B4GALNT3: variants seen among roughly 807,000 people sequenced by gnomAD.
The protein encoded by B4GALNT3 is beta-1,4-N-acetyl-galactosaminyltransferase 3.
Under a neutral mutation model 120.2 loss-of-function variants are expected in B4GALNT3, and 86 were observed. The ratio of observed to expected loss-of-function variants is 0.72; its 90% CI spans 0.60 to 0.86. The LOEUF (loss-of-function observed/expected upper bound fraction) is 0.86, where lower values mean the gene tolerates loss of function less well. B4GALNT3 is among the 40% of genes least tolerant of loss of function. The pLI is 0.00. For synonymous variants in B4GALNT3, 518 were observed against 510.4 expected (o/e 1.01, Z -0.20); for missense variants, 1,167 against 1,298.9 (o/e 0.90, Z 1.56).
intron 1 of B4GALNT3, among the ~76,000 whole-genome samples, chr12:528,153 G>A (rs1201825205): frequency 6.6e-6 from 1 of 152,168 alleles, no homozygotes; most frequent in East Asian, 1.9e-4. Flanking sequence ...TACTGCCTAT[G>A]TGACTTTTGG....
chr12:537,522 G>A (rs1445486527), intron 3 of B4GALNT3, among the ~76,000 whole-genome samples: 1 of 152,190 alleles, frequency 6.6e-6, no homozygotes, highest in Non-Finnish European at 1.5e-5. Flanking sequence ...CTCCCAAAGT[G>A]CTGAGATTAC....
rs1308532288 is a variant in B4GALNT3 at position 553,775 on chromosome 12, A to G, written c.1852A>G (p.Met618Val). 2 of 1,614,180 alleles carry G rather than the reference A, an allele frequency of 1.2e-6. No homozygotes were observed. Among genetic ancestry groups the G allele is most frequent in the South Asian group, 1.1e-5 (1 of 91,080 alleles). Residue 618 changes from methionine (M) to valine (V), a missense_variant, in exon 14 of 20, where the codon ATG becomes GTG. By Grantham distance (21) the Met-to-Val change is conservative. This residue lies in a region of B4GALNT3 where 983 missense variants were observed against 1,102.5 expected (regional missense o/e 0.89). Coordinates refer to ENST00000266383, the MANE Select transcript of B4GALNT3 (RefSeq NM_173593.4). Reference sequence around the variant, plus strand: ...GGAAGAAGAGGAGGAGGAAGAGGATATGAGTGAGGTGTTCGAGTACGTACC... The same window carrying G: ...GGAAGAAGAGGAGGAGGAAGAGGATGTGAGTGAGGTGTTCGAGTACGTACC... ...EGEEEEEEED[M>V]SEVFEYVPVF...
intron 6 of B4GALNT3, 126 bp downstream of exon 6, chr12:545,595 G>T (rs2120695962): frequency 1.1e-6 from 1 of 946,828 alleles, no homozygotes; most frequent in Admixed American, 2.4e-5. Context: ...TGGAAAAGAA[G>T]TCTCCTCCCT....
intron 1 of B4GALNT3, among the ~76,000 whole-genome samples, chr12:506,249 TG>T (rs543464271): frequency 1.1e-3 from 161 of 152,278 alleles, no homozygotes; most frequent in African/African-American, 3.7e-3. Context: ...ACACTTACAA[TG>T]GTCCTTAAAT....
At position 498,685 on chromosome 12, in the gene B4GALNT3, T is replaced by C. The variant is rs556688737; in HGVS notation, c.170-36481T>C. ...CAGTATGTGGGGCGACGCTAGCTGG[T>C]GGAAGACCTGGAAGACGAAGGTGGA... On this transcript the variant is annotated intron_variant, in intron 1 of 19. Coordinates refer to ENST00000266383, the MANE Select transcript of B4GALNT3 (RefSeq NM_173593.4). Among the ~76,000 whole-genome samples, 223 of 152,316 alleles carry C rather than the reference T, an allele frequency of 1.5e-3. 1 individual carries two copies. The highest frequency in any genetic ancestry group is 5.2e-3 in the African/African-American group (215 of 41,566).
chr12:507,447 C>T (rs951700577), intron 1 of B4GALNT3, among the ~76,000 whole-genome samples: 1 of 152,184 alleles, frequency 6.6e-6, no homozygotes, highest in Non-Finnish European at 1.5e-5. Flanking sequence ...GTGGATTAGA[C>T]AGACGCTTCC....
chr12:461,270 A>G (rs1160660240), intron 1 of B4GALNT3, among the ~76,000 whole-genome samples: 2 of 152,156 alleles, frequency 1.3e-5, no homozygotes, highest in East Asian at 3.9e-4. Context: ...TGGACAGCAC[A>G]GTGGACCGGG....
In B4GALNT3 at chr12:553,442, C is replaced by T; in HGVS notation, c.1519C>T (p.Pro507Ser). The T allele has an allele frequency of 6.2e-7, 1 of 1,614,122 alleles. No individual in the cohort carries two copies. The highest frequency in any genetic ancestry group is 8.5e-7 in the Non-Finnish European group (1 of 1,180,046). ...ASFPGRTSHI[P>S]VQQPEKRKQK... ...CTTCCCAGGGAGGACCAGCCACATT[C>T]CAGTGCAGCAGCCAGAGAAGAGGAA... The change falls in exon 14 of 20, where the codon CCA becomes TCA. Residue 507 changes from proline (P) to serine (S), a missense_variant. Pro to Ser is a moderately conservative substitution (Grantham distance 74, BLOSUM62 -1). This residue lies in a region of B4GALNT3 where 983 missense variants were observed against 1,102.5 expected (regional missense o/e 0.89). Transcript: ENST00000266383.
At chr12:501,000 C>T (rs897570940) in intron 1 of B4GALNT3, among the ~76,000 whole-genome samples, 7 of 151,246 alleles carry the variant, frequency 4.6e-5, no homozygotes, top group African/African-American at 1.5e-4. Flanking sequence ...CAGCCTCCTG[C>T]GTAGCTGGGA....
At chr12:465,013 A>G (rs1176903974) in intron 1 of B4GALNT3, among the ~76,000 whole-genome samples, 1 of 152,174 alleles carries the variant, frequency 6.6e-6, no homozygotes, top group South Asian at 2.1e-4. Context: ...GCAGGCAGGG[A>G]GAGAGGGAGA....
At chr12:552,942 G>A in intron 13 of B4GALNT3, 1 of 550,116 alleles carries the variant, frequency 1.8e-6, no homozygotes, top group Middle Eastern at 4.9e-4. Context: ...GGCATGTGAT[G>A]CCGTTTATCT....
intron 1 of B4GALNT3, among the ~76,000 whole-genome samples, chr12:493,887 A>T (rs1946366297): frequency 6.6e-6 from 1 of 152,228 alleles, no homozygotes; most frequent in South Asian, 2.1e-4. Context: ...TCCGTGTTGG[A>T]AAGGCAGTCC....
At chr12:478,250 TAAAAAAA>T (rs34616848) in intron 1 of B4GALNT3, among the ~76,000 whole-genome samples, 1 of 86,902 alleles carries the variant, frequency 1.2e-5, no homozygotes, top group Non-Finnish European at 2.2e-5. Context: ...ACTCTGTCTT[TAAAAAAA>T]AAAAAAAAAA....
At chr12:526,807 G>A (rs1156828610) in intron 1 of B4GALNT3, among the ~76,000 whole-genome samples, 8 of 152,202 alleles carry the variant, frequency 5.3e-5, no homozygotes, top group Admixed American at 5.2e-4. Flanking sequence ...ACTGAGCTGG[G>A]CTGGGTCCAG....
At chr12:490,748 G>T (rs1012943196) in intron 1 of B4GALNT3, among the ~76,000 whole-genome samples, 1 of 151,398 alleles carries the variant, frequency 6.6e-6, no homozygotes, top group African/African-American at 2.4e-5. Context: ...AAAAATTACG[G>T]ACAACTCTAC....
At chr12:479,704 G>A (rs765562462) in intron 1 of B4GALNT3, among the ~76,000 whole-genome samples, 7 of 152,158 alleles carry the variant, frequency 4.6e-5, no homozygotes, top group Non-Finnish European at 1.0e-4. Flanking sequence ...GAGACGTGCC[G>A]CAGCAGGAGG....
At chr12:464,574 G>A (rs1437510880) in intron 1 of B4GALNT3, among the ~76,000 whole-genome samples, 1 of 152,100 alleles carries the variant, frequency 6.6e-6, no homozygotes, top group Non-Finnish European at 1.5e-5. Flanking sequence ...AGAGGTTGCA[G>A]TGAGCTGAGA....
At position 460,491 on chromosome 12, in the gene B4GALNT3, C is replaced by G; in HGVS notation, c.115C>G (p.Leu39Val). ...LAVVSVGLWT[L>V]YLELVASAQV... ...CGTGGTGTCTGTGGGGCTCTGGACT[C>G]TGTATCTGGAACTGGTGGCGTCGGC... Residue 39 changes from leucine (L) to valine (V), a missense_variant, in exon 1 of 20, where the codon CTG (leucine) becomes GTG (valine). By Grantham distance (32) the Leu-to-Val change is conservative. Coordinates refer to ENST00000266383, the MANE Select transcript of B4GALNT3 (RefSeq NM_173593.4). This position sits in a 1 kb window ranked among gnomAD's most constrained non-coding sequence, Gnocchi z 8.0. 1 of 1,586,370 alleles carries G rather than the reference C, an allele frequency of 6.3e-7. No individual in the cohort carries two copies. The highest frequency in any genetic ancestry group is 1.7e-5 in the Admixed American group (1 of 57,554).
In B4GALNT3 at chr12:553,667, G is replaced by T; in HGVS notation, c.1744G>T (p.Ala582Ser). ...ACGGGGTGACAGGATGCGGCCTCAGGCCCCTGGAAGGGGCTGGCATGGGGA... is the reference window on the plus strand; with the variant it reads ...ACGGGGTGACAGGATGCGGCCTCAGTCCCCTGGAAGGGGCTGGCATGGGGA... ...QRRGDRMRPQ[A>S]PGRGWHGEEE... Residue 582 changes from alanine (A) to serine (S), a missense_variant, in exon 14 of 20, where the codon GCC (alanine) becomes TCC (serine). Physicochemically the swap from Ala to Ser is moderately conservative, Grantham distance 99. Transcript: ENST00000266383. The T allele has an allele frequency of 6.2e-7, 1 of 1,614,076 alleles. No individual in the cohort carries two copies.
Sources: allele counts gnomAD v4.1 joint callset (sites outside exome capture counted in the v4.1 genomes callset), GRCh38; gene constraint gnomAD v4.1.1; regional missense constraint gnomAD v4.1.1; non-coding constraint Gnocchi (gnomAD v3.1); transcripts MANE v1.5; gene names NCBI Gene and HGNC (gene_info 2026-07-23, HGNC 2026-07-21).